RAI14: variants seen among roughly 807,000 people sequenced by gnomAD.
The protein encoded by RAI14 is retinoic acid induced 14, also known as ankycorbin.
Under a neutral mutation model 115.4 loss-of-function variants are expected in RAI14, and 45 were observed. The observed-to-expected ratio is 0.39, with a 90% CI of 0.31 to 0.50. The LOEUF is 0.50. RAI14 is among the 20% of genes least tolerant of loss of function. The probability of loss-of-function intolerance (pLI) is 0.85; values close to 1 mark genes in which losing one functional copy is unlikely to be tolerated. For missense variants in RAI14, 939 were observed against 1,131.2 expected (o/e 0.83, Z 2.44); for synonymous variants, 371 against 415.4 (o/e 0.89, Z 1.30).
intron 2 of RAI14, among the ~76,000 whole-genome samples, chr5:34,704,838 ACT>A (rs1740494152): frequency 6.6e-6 from 1 of 152,052 alleles, no homozygotes; most frequent in Non-Finnish European, 1.5e-5. Context: ...AAAAAGAAAT[ACT>A]CTTTCTGTGA....
chr5:34,687,064 C>CTCAAGT, intron 2 of RAI14, 109 bp downstream of exon 2: 1 of 1,172,310 alleles, frequency 8.5e-7, no homozygotes, highest in Non-Finnish European at 1.2e-6. Context: ...ACTACAGACA[C>CTCAAGT]TCAAGTGCTC....
Position 34,714,037 on chromosome 5 carries a change from C to T in RAI14, c.36+27082C>T, listed in dbSNP as rs985287185. Among the ~76,000 whole-genome samples the T allele has an allele frequency of 3.3e-5, 5 of 151,534 alleles. No individual in the cohort carries two copies. In the South Asian group the frequency reaches 1.0e-3, roughly 32 times the overall value. The stretch of plus-strand genomic sequence containing the variant: ...CAGGCTGGTCTCGAACTCCTGACCT[C>T]ATGATCTGCCCGCCTCGGCCTCCCA... On this transcript the variant is annotated intron_variant, in intron 2 of 17. Coordinates refer to ENST00000265109, the MANE Select transcript of RAI14 (RefSeq NM_015577.3).
intron 3 of RAI14, among the ~76,000 whole-genome samples, chr5:34,789,474 T>A (rs1752682106): frequency 6.6e-6 from 1 of 152,256 alleles, no homozygotes; most frequent in Non-Finnish European, 1.5e-5. Context: ...AAACGTTAGC[T>A]GCTCAAGTGT....
At chr5:34,689,335 G>A (rs1275875341) in intron 2 of RAI14, among the ~76,000 whole-genome samples, 1 of 152,024 alleles carries the variant, frequency 6.6e-6, no homozygotes, top group African/African-American at 2.4e-5. Context: ...AGCCCAAGAG[G>A]TCAAGGCTAC....
intron 3 of RAI14, among the ~76,000 whole-genome samples, chr5:34,781,311 T>C (rs1751605874): frequency 6.6e-6 from 1 of 152,058 alleles, no homozygotes; most frequent in Non-Finnish European, 1.5e-5. Flanking sequence ...ACGTGGCACA[T>C]GTATACATAT....
intron 2 of RAI14, among the ~76,000 whole-genome samples, chr5:34,711,912 A>AT (rs994669411): frequency 1.1e-4 from 16 of 151,754 alleles, no homozygotes; most frequent in African/African-American, 2.9e-4. Flanking sequence ...TCCTTATTCT[A>AT]TTTTTTTTCC....
chr5:34,658,445 T>C (rs1015597835), intron 1 of RAI14, among the ~76,000 whole-genome samples: 2 of 152,130 alleles, frequency 1.3e-5, no homozygotes, highest in African/African-American at 4.8e-5. Context: ...CTTTTGCCTC[T>C]CCTTCCTCCA....
At chr5:34,690,244 T>C (rs7717165) in intron 2 of RAI14, among the ~76,000 whole-genome samples, 2,800 of 152,290 alleles carry the variant, frequency 0.018, 95 homozygotes, top group African/African-American at 0.062. Context: ...CTGAAATGTG[T>C]GGTCTGTCTC....
intron 2 of RAI14, among the ~76,000 whole-genome samples, chr5:34,696,337 T>G (rs1739233857): frequency 6.6e-6 from 1 of 151,974 alleles, no homozygotes; most frequent in Non-Finnish European, 1.5e-5. Flanking sequence ...AGGGTTTCAC[T>G]GTGTTAGCCA....
intron 2 of RAI14, among the ~76,000 whole-genome samples, chr5:34,714,237 C>G (rs1014893781): frequency 7.2e-5 from 11 of 152,104 alleles, no homozygotes; most frequent in African/African-American, 2.7e-4. Flanking sequence ...TTTTTCTGTT[C>G]ATTAATGTCA....
intron 2 of RAI14, among the ~76,000 whole-genome samples, chr5:34,702,755 G>A (rs142737860): frequency 6.6e-6 from 1 of 152,328 alleles, no homozygotes; most frequent in East Asian, 1.9e-4. Context: ...TTGCCAGGCT[G>A]GAGTGCAATG....
intron 4 of RAI14, among the ~76,000 whole-genome samples, chr5:34,803,466 A>G (rs930846312): frequency 1.2e-4 from 18 of 152,126 alleles, no homozygotes; most frequent in Non-Finnish European, 1.5e-4. Context: ...CTGAGGTGGG[A>G]GGATCACTTT....
At chr5:34,825,145 T>C (rs1757309609) in intron 15 of RAI14, among the ~76,000 whole-genome samples, 1 of 151,916 alleles carries the variant, frequency 6.6e-6, no homozygotes, top group Non-Finnish European at 1.5e-5. Context: ...CATGGTGGTA[T>C]GAGCATGTAG....
intron 7 of RAI14, among the ~76,000 whole-genome samples, chr5:34,810,227 T>A (rs1208595954): frequency 2.6e-5 from 4 of 152,224 alleles, no homozygotes; most frequent in Non-Finnish European, 5.9e-5. Flanking sequence ...GTCGATGGAT[T>A]TATAGGGTAT....
At chr5:34,679,312 T>A (rs577291041) in intron 1 of RAI14, among the ~76,000 whole-genome samples, 10 of 152,340 alleles carry the variant, frequency 6.6e-5, no homozygotes, top group Admixed American at 2.0e-4. Flanking sequence ...AGCGTAACCG[T>A]AGTGCTCATT....
At chr5:34,697,292 T>C (rs1318993080) in intron 2 of RAI14, among the ~76,000 whole-genome samples, 1 of 151,292 alleles carries the variant, frequency 6.6e-6, no homozygotes, top group African/African-American at 2.4e-5. Context: ...CAAAATTAGC[T>C]GGGTGTGGTG....
At chr5:34,659,700 TTTAG>T (rs1398526631) in intron 1 of RAI14, among the ~76,000 whole-genome samples, 1 of 152,224 alleles carries the variant, frequency 6.6e-6, no homozygotes, top group Non-Finnish European at 1.5e-5. Context: ...TACACACTTA[TTTAG>T]TTAGTTGCTG....
intron 2 of RAI14, among the ~76,000 whole-genome samples, chr5:34,690,143 G>A (rs6451157): frequency 0.83 from 125,568 of 152,186 alleles, 52,559 homozygotes; most frequent in African/African-American, 0.96. Context: ...ACGTACATGT[G>A]TATCATGCAT....
chr5:34,772,792 T>C (rs928029914), intron 3 of RAI14, among the ~76,000 whole-genome samples: 4 of 152,110 alleles, frequency 2.6e-5, no homozygotes, highest in Non-Finnish European at 4.4e-5. Flanking sequence ...CATCAGTGAG[T>C]TGACTTTCTC....
Sources: gnomAD v4.1 joint callset for allele counts (sites outside exome capture counted in the v4.1 genomes callset) on GRCh38, gnomAD v4.1.1 for gene constraint, MANE v1.5 for transcripts, NCBI Gene and HGNC (gene_info 2026-07-23, HGNC 2026-07-21) for gene names.